The following COL16A1 variants were observed in gnomAD, a reference collection of about 807,000 sequenced individuals.
COL16A1 encodes the protein collagen type XVI alpha 1 chain, also known as collagen alpha-1(XVI) chain.
A neutral mutation model predicts 266.3 loss-of-function variants in COL16A1; 189 were observed. The observed-to-expected ratio is 0.71, with a 90% confidence interval of 0.63 to 0.80. The LOEUF (loss-of-function observed/expected upper bound fraction) is 0.80. COL16A1 is among the 30% of genes least tolerant of loss of function. COL16A1 has a pLI of 0.00. For missense variants in COL16A1, 1,928 were observed against 2,122.4 expected, an observed-to-expected ratio of 0.91 and a Z score of 1.80; for synonymous variants, 740 against 782.3, an observed-to-expected ratio of 0.95 and a Z score of 0.90.
Position 31,668,140 on chromosome 1 carries a change from C to G in COL16A1, c.3303+25G>C. On this transcript the variant is annotated intron_variant, in intron 51 of 70. Coordinates refer to ENST00000373672, the MANE Select transcript of COL16A1 (RefSeq NM_001856.4). The surrounding 1 kb of genome is among the most constrained non-coding windows in gnomAD (Gnocchi z 5.8). ...AAACCTCTGGTACCTGGCACCCACTCCCCAGCAAGGGTCCCCTTACTCACA... is the reference window on the plus strand; with the variant it reads ...AAACCTCTGGTACCTGGCACCCACTGCCCAGCAAGGGTCCCCTTACTCACA... The G allele has an allele frequency of 6.2e-7, 1 of 1,602,614 alleles. No homozygotes were observed. The highest frequency in any genetic ancestry group is 8.5e-7 in the Non-Finnish European group (1 of 1,174,430).
chr1:31,657,150 CCCAGCCCCCTGTT>C lies in COL16A1; in HGVS notation c.4021-95_4021-83del. 1.9e-6 allele frequency: 3 copies of C among 1,553,674 alleles called. No individual in the cohort carries two copies. The South Asian group carries it at 3.3e-5, about 17-fold the overall frequency. Reference sequence around the variant, plus strand: ...TGCCTCACTTTGTACATGGGGCAAGCCCAGCCCCCTGTTCCACCCAGAGGCCACGATCCTCCAG... The same window carrying C: ...TGCCTCACTTTGTACATGGGGCAAGCCCACCCAGAGGCCACGATCCTCCAG... On this transcript the variant is annotated intron_variant, in intron 64 of 70. Transcript: ENST00000373672. This position sits in a 1 kb window ranked among gnomAD's most constrained non-coding sequence, Gnocchi z 6.4.
At chr1:31,683,035 C>T in intron 36 of COL16A1, 33 bp from the exon 37 acceptor site, 1 of 1,613,620 alleles carries the variant, frequency 6.2e-7, no homozygotes, top group Non-Finnish European at 8.5e-7. Flanking sequence ...GTCTCAGGGG[C>T]AGAATTGGAA....
At position 31,656,820 on chromosome 1, in the gene COL16A1, G is replaced by T; in HGVS notation, c.4056+213C>A. The T allele has an allele frequency of 1.7e-6, 1 of 586,070 alleles. No homozygotes were observed. The highest frequency in any genetic ancestry group is 2.9e-6 in the Non-Finnish European group (1 of 344,418). The allele number at this position is 586,070 out of a possible 1,614,324, so 36.3% of individuals were successfully genotyped here. A position where few individuals can be genotyped will look rare whatever the true frequency, so the allele number is the denominator to read the frequency against. On this transcript the variant is annotated intron_variant, in intron 65 of 70. Transcript: ENST00000373672. This position sits in a 1 kb window ranked among gnomAD's most constrained non-coding sequence, Gnocchi z 4.2. The stretch of plus-strand genomic sequence containing the variant: ...TTGTTTCTTTTTGACCAGGTACAGG[G>T]TTTAAAAAAAAAAAAAAAAAGGTAA...
chr1:31,672,982 C>T (rs1439406593), intron 44 of COL16A1, 142 bp from the exon 45 acceptor site: 14 of 791,574 alleles, frequency 1.8e-5, no homozygotes, highest in East Asian at 1.6e-4. Flanking sequence ...CCTCCCCAGC[C>T]GCATCCCTGC....
intron 12 of COL16A1, 119 bp downstream of exon 12, chr1:31,694,025 T>C (rs974179061): frequency 1.1e-5 from 10 of 886,968 alleles, no homozygotes; most frequent in African/African-American, 1.7e-5. Context: ...TTAATCACCC[T>C]ACACACATAC....
chr1:31,690,931 T>C (rs527682350), intron 20 of COL16A1, among the ~76,000 whole-genome samples: 1 of 152,310 alleles, frequency 6.6e-6, no homozygotes, highest in Admixed American at 6.5e-5. Flanking sequence ...CACTTTGATC[T>C]TTACAACACT....
chr1:31,697,369 G>A lies in COL16A1; in HGVS notation c.658-69C>T. 1 of 1,445,868 alleles carries A rather than the reference G, an allele frequency of 6.9e-7. No homozygotes were observed. Among genetic ancestry groups the A allele is most frequent in the Non-Finnish European group, 9.4e-7 (1 of 1,060,220 alleles). The allele number at this position is 1,445,868 out of a possible 1,614,324, so 89.6% of individuals were successfully genotyped here. A position where few individuals can be genotyped will look rare whatever the true frequency, so the allele number is the denominator to read the frequency against. On this transcript the variant is annotated intron_variant, in intron 6 of 70. Transcript: ENST00000373672. This position sits in a 1 kb window ranked among gnomAD's most constrained non-coding sequence, Gnocchi z 4.2. ...AGCTCTGTGTCCTGGCCCCCCAGGA[G>A]GCACAGAGATGTCTCTGCCCCAGGA...
Position 31,665,566 on chromosome 1 carries a change from G to C in COL16A1, c.3492+17C>G, listed in dbSNP as rs191751095. 2.5e-6 allele frequency: 4 copies of C among 1,614,166 alleles called. No individual in the cohort carries two copies. The highest frequency in any genetic ancestry group is 1.1e-5 in the South Asian group (1 of 91,084). ...GACCACATCAGACAGAGCTGGCTTT[G>C]TGTCTTCTTCACTCACCGGTGGGCC... On this transcript the variant is annotated intron_variant, in intron 55 of 70. Transcript: ENST00000373672.
rs751253139 is a variant in COL16A1, at chr1:31,697,380, G to A, written c.658-80C>T. ...CTGGCCCCCCAGGAGGCACAGAGAT[G>A]TCTCTGCCCCAGGATGTGACCTCAG... On this transcript the variant is annotated intron_variant, in intron 6 of 70. Transcript: ENST00000373672. The surrounding 1 kb of genome is among the most constrained non-coding windows in gnomAD (Gnocchi z 4.2). The A allele has an allele frequency of 1.7e-5, 23 of 1,376,970 alleles. No individual in the cohort carries two copies. Among genetic ancestry groups the A allele is most frequent in the Admixed American group, 1.2e-4 (6 of 48,750 alleles). The allele number at this position is 1,376,970 out of a possible 1,614,324, so 85.3% of individuals were successfully genotyped here. A position where few individuals can be genotyped will look rare whatever the true frequency, so the allele number is the denominator to read the frequency against.
At chr1:31,665,541 G>C in intron 55 of COL16A1, 42 bp downstream of exon 55, 1 of 1,614,050 alleles carries the variant, frequency 6.2e-7, no homozygotes, top group African/African-American at 1.3e-5. Context: ...CTCCCGATGA[G>C]ACCACATCAG....
At chr1:31,654,730 G>A in intron 68 of COL16A1, 62 bp downstream of exon 68, 9 of 1,612,676 alleles carry the variant, frequency 5.6e-6, no homozygotes, top group Non-Finnish European at 7.6e-6. Flanking sequence ...GCCAAGGCAG[G>A]GCAGAGAAGT....
In COL16A1 at chr1:31,656,675, G is replaced by A. The variant is rs1284105784; in HGVS notation, c.4057-231C>T. On this transcript the variant is annotated intron_variant, in intron 65 of 70. Coordinates refer to ENST00000373672, the MANE Select transcript of COL16A1 (RefSeq NM_001856.4). The surrounding 1 kb of genome is among the most constrained non-coding windows in gnomAD (Gnocchi z 4.2). The stretch of plus-strand genomic sequence containing the variant: ...TGGCTGGGCCCCCATCACAGATGAA[G>A]AGAGGCGAGAAGTCAGAATGAGAGG... 6.6e-6 allele frequency among the ~76,000 whole-genome samples: 1 copy of A among 152,224 alleles called. No individual in the cohort carries two copies. Among genetic ancestry groups the A allele is most frequent in the Non-Finnish European group, 1.5e-5 (1 of 68,032 alleles).
intron 56 of COL16A1, chr1:31,662,907 C>A (rs1641820651): frequency 1.7e-6 from 1 of 582,242 alleles, no homozygotes; most frequent in African/African-American, 1.9e-5. Context: ...AGGGCATCTT[C>A]TCCAGTGCTG....
chr1:31,684,313 TC>T (rs1448510184), intron 31 of COL16A1, 82 bp from the exon 32 acceptor site: 2 of 1,447,456 alleles, frequency 1.4e-6, no homozygotes, highest in African/African-American at 2.9e-5. Context: ...CTCTGAACAC[TC>T]TGCCCCTTGA....
rs375620574 is a variant in COL16A1, at chr1:31,689,867, G to A, written c.1510-16C>T. 1.2e-6 allele frequency: 2 copies of A among 1,610,304 alleles called. No homozygotes were observed. The highest frequency in any genetic ancestry group is 1.7e-6 in the Non-Finnish European group (2 of 1,176,674). On this transcript the variant is annotated splice_polypyrimidine_tract_variant and intron_variant, in intron 22 of 70. Coordinates refer to ENST00000373672, the MANE Select transcript of COL16A1 (RefSeq NM_001856.4). ...AGGGGTCACCCTAGCAGAAGGGAGA[G>A]GCAGTATGTGGACAGGGTGGGGCTG...
intron 57 of COL16A1, 90 bp from the exon 58 acceptor site, chr1:31,662,477 C>T: frequency 6.4e-7 from 1 of 1,559,004 alleles, no homozygotes; most frequent in Non-Finnish European, 8.7e-7. Flanking sequence ...CTCTCCACCC[C>T]TCCCCTGACT....
chr1:31,690,913 G>A (rs1644232631), intron 20 of COL16A1, among the ~76,000 whole-genome samples: 1 of 152,194 alleles, frequency 6.6e-6, no homozygotes, highest in Admixed American at 6.5e-5. Context: ...GGGCCCTCCA[G>A]CAAAGTCCAC....
In COL16A1 at chr1:31,656,546, C is replaced by G; in HGVS notation, c.4057-102G>C. 2 of 1,518,964 alleles carry G rather than the reference C, an allele frequency of 1.3e-6. No homozygotes were observed. The highest frequency in any genetic ancestry group is 1.8e-6 in the Non-Finnish European group (2 of 1,130,406). The allele number at this position is 1,518,964 out of a possible 1,614,324, so 94.1% of individuals were successfully genotyped here. A position where few individuals can be genotyped will look rare whatever the true frequency, so the allele number is the denominator to read the frequency against. ...AGGCCCCTTCCACAGCCTGAGGCCCCCAGGTGTGTCCAGCCCAGCTCTGTG... is the reference window on the plus strand; with the variant it reads ...AGGCCCCTTCCACAGCCTGAGGCCCGCAGGTGTGTCCAGCCCAGCTCTGTG... On this transcript the variant is annotated intron_variant, in intron 65 of 70. Transcript: ENST00000373672. The surrounding 1 kb of genome is among the most constrained non-coding windows in gnomAD (Gnocchi z 4.2).
At chr1:31,676,052 C>T (rs1570458113) in intron 42 of COL16A1, among the ~76,000 whole-genome samples, 1 of 151,608 alleles carries the variant, frequency 6.6e-6, no homozygotes, top group East Asian at 1.9e-4. Context: ...AGGCTGGGCA[C>T]GGTCACTCAC....
Sources: allele counts gnomAD v4.1 joint callset (sites outside exome capture counted in the v4.1 genomes callset), GRCh38; gene constraint gnomAD v4.1.1; non-coding constraint Gnocchi (gnomAD v3.1); transcripts MANE v1.5; gene names NCBI Gene and HGNC (gene_info 2026-07-23, HGNC 2026-07-21).